PAFAH1B1: variants seen among roughly 807,000 people sequenced by gnomAD.
The protein encoded by PAFAH1B1 is platelet activating factor acetylhydrolase 1b regulatory subunit 1.
In PAFAH1B1, 2 loss-of-function variants were observed where a neutral mutation model predicts 57.5. That is an observed-to-expected ratio of 0.03 (90% CI 0.01 to 0.11). PAFAH1B1 has a LOEUF of 0.11. Among genes scored for constraint, PAFAH1B1 ranks in the 10% least tolerant of loss-of-function variants. The pLI, the probability that PAFAH1B1 is intolerant of heterozygous loss-of-function variation, is 1.00. For missense variants in PAFAH1B1, 257 were observed against 512.0 expected (o/e 0.50, Z 4.81); for synonymous variants, 152 against 169.6 (o/e 0.90, Z 0.81).
rs544323527 is a variant in PAFAH1B1 at position 2,652,381 on chromosome 17, C to G, written c.33-12991C>G. On this transcript the variant is annotated intron_variant, in intron 2 of 10. Transcript: ENST00000397195. ...AGTGAGCCAAGATCGCGCCACTGCA[C>G]TCCAGCCTGGGCGGCAGAGCGAGAC... Among the ~76,000 whole-genome samples, 21 of 152,376 alleles carry G rather than the reference C, an allele frequency of 1.4e-4. No homozygotes were observed. In the South Asian group the frequency reaches 3.1e-3, roughly 23 times the overall value.
chr17:2,666,942 G>A lies in PAFAH1B1; in HGVS notation c.193-50G>A, dbSNP rs778563986. 10 of 1,410,008 alleles carry A rather than the reference G, an allele frequency of 7.1e-6. No individual in the cohort carries two copies. In the South Asian group the frequency reaches 9.3e-5, roughly 13 times the overall value. The allele number at this position is 1,410,008 out of a possible 1,614,324, so 87.3% of individuals were successfully genotyped here. A position where few individuals can be genotyped will look rare whatever the true frequency, so the allele number is the denominator to read the frequency against. ...AAGGCAGTTTTTTAAAATGTCACAT[G>A]CTATTTTTATTGAAATCTATCTGTA... On this transcript the variant is annotated intron_variant, in intron 4 of 10. Transcript: ENST00000397195.
intron 1 of PAFAH1B1, among the ~76,000 whole-genome samples, chr17:2,596,226 A>G (rs1021685638): frequency 2.6e-5 from 4 of 152,056 alleles, no homozygotes; most frequent in Non-Finnish European, 5.9e-5. Flanking sequence ...ATATATCTAC[A>G]CTCTTGTTAA....
intron 2 of PAFAH1B1, among the ~76,000 whole-genome samples, chr17:2,645,243 CAAAA>C (rs2068751848): frequency 6.6e-6 from 1 of 151,816 alleles, no homozygotes; most frequent in Non-Finnish European, 1.5e-5. Context: ...AAGATCCTGT[CAAAA>C]AACAAAAACA....
intron 1 of PAFAH1B1, among the ~76,000 whole-genome samples, chr17:2,631,606 A>G (rs1449683955): frequency 6.6e-6 from 1 of 152,068 alleles, no homozygotes; most frequent in African/African-American, 2.4e-5. Context: ...CTGCAAACGG[A>G]CCTTCAGCTT....
Position 2,683,103 on chromosome 17 carries a change from G to T in PAFAH1B1, c.*1301G>T, listed in dbSNP as rs1350041781. On this transcript the variant is annotated 3_prime_UTR_variant, in exon 11 of 11. Coordinates refer to ENST00000397195, the MANE Select transcript of PAFAH1B1 (RefSeq NM_000430.4). ...TCTGAAAACTAGGTCTGACTCTGGGGATTTTTTTCCAGCCGAAGGAAAATC... is the reference window on the plus strand; with the variant it reads ...TCTGAAAACTAGGTCTGACTCTGGGTATTTTTTTCCAGCCGAAGGAAAATC... The T allele has an allele frequency of 6.6e-6, 1 of 152,150 alleles. No individual in the cohort carries two copies. Among genetic ancestry groups the T allele is most frequent in the Non-Finnish European group, 1.5e-5 (1 of 68,034 alleles). The allele number at this position is 152,150 out of a possible 1,614,324, so 9.4% of individuals were successfully genotyped here.
chr17:2,609,709 A>T (rs1382654972), intron 1 of PAFAH1B1: 1 of 151,634 alleles, frequency 6.6e-6, no homozygotes, highest in Non-Finnish European at 1.5e-5. Context: ...ACGGGGTTTT[A>T]CCATGTTGGC....
At chr17:2,678,246 A>G (rs1283175849) in intron 9 of PAFAH1B1, among the ~76,000 whole-genome samples, 1 of 151,940 alleles carries the variant, frequency 6.6e-6, no homozygotes, top group Admixed American at 6.6e-5. Flanking sequence ...TGCTAAAAAC[A>G]CAAAATTAGC....
At chr17:2,595,059 A>G (rs1391407179) in intron 1 of PAFAH1B1, among the ~76,000 whole-genome samples, 1 of 152,182 alleles carries the variant, frequency 6.6e-6, no homozygotes, top group Non-Finnish European at 1.5e-5. Flanking sequence ...TTTGGGCCCA[A>G]TTTATATCAG....
At chr17:2,599,114 A>T (rs2068113183) in intron 1 of PAFAH1B1, among the ~76,000 whole-genome samples, 1 of 152,204 alleles carries the variant, frequency 6.6e-6, no homozygotes, top group Admixed American at 6.5e-5. Flanking sequence ...TTGTCTTTTA[A>T]CATTGTCATA....
At chr17:2,637,511 A>T (rs552136018) in intron 1 of PAFAH1B1, among the ~76,000 whole-genome samples, 1 of 152,090 alleles carries the variant, frequency 6.6e-6, no homozygotes, top group African/African-American at 2.4e-5. Flanking sequence ...TTAAGCCCAG[A>T]GGGGGAAGGC....
intron 1 of PAFAH1B1, among the ~76,000 whole-genome samples, chr17:2,633,299 C>G (rs1036604816): frequency 1.3e-5 from 2 of 151,686 alleles, no homozygotes; most frequent in African/African-American, 4.8e-5. Flanking sequence ...TCCCGAGTAG[C>G]TGGGATTACA....
intron 2 of PAFAH1B1, among the ~76,000 whole-genome samples, chr17:2,652,253 A>C (rs1030415991): frequency 4.6e-5 from 7 of 151,696 alleles, no homozygotes; most frequent in African/African-American, 1.7e-4. Flanking sequence ...TACTAAAAAT[A>C]CAAAAAAAAA....
intron 1 of PAFAH1B1, among the ~76,000 whole-genome samples, chr17:2,630,276 G>A (rs8077732): frequency 0.28 from 42,465 of 152,014 alleles, 6,089 homozygotes; most frequent in Middle Eastern, 0.35. Flanking sequence ...TTAGAGCTCC[G>A]TTTAGCAGTT....
At chr17:2,675,032 C>T (rs2069241318) in intron 8 of PAFAH1B1, among the ~76,000 whole-genome samples, 1 of 152,154 alleles carries the variant, frequency 6.6e-6, no homozygotes, top group South Asian at 2.1e-4. Flanking sequence ...GAGACAGTCT[C>T]ACTCTGTTGC....
At chr17:2,655,711 G>T (rs1183155238) in intron 2 of PAFAH1B1, among the ~76,000 whole-genome samples, 1 of 151,830 alleles carries the variant, frequency 6.6e-6, no homozygotes, top group Non-Finnish European at 1.5e-5. Flanking sequence ...TGACGACAGG[G>T]TGTTCACACA....
At chr17:2,623,752 A>AGGTAGCTTGGATCCCAGCCAC (rs2068453488) in intron 1 of PAFAH1B1, among the ~76,000 whole-genome samples, 1 of 96,984 alleles carries the variant, frequency 1.0e-5, no homozygotes. Context: ...CTCAGCCTCC[A>AGGTAGCTTGGATCCCAGCCAC]GGTAGCTGGG....
intron 2 of PAFAH1B1, among the ~76,000 whole-genome samples, chr17:2,653,939 G>T (rs2068901228): frequency 6.6e-6 from 1 of 152,040 alleles, no homozygotes; most frequent in South Asian, 2.1e-4. Context: ...CTCCCAAGTA[G>T]CTGGGATTAC....
intron 1 of PAFAH1B1, among the ~76,000 whole-genome samples, chr17:2,607,430 C>T (rs896215835): frequency 2.6e-5 from 4 of 151,584 alleles, no homozygotes; most frequent in Non-Finnish European, 5.9e-5. Context: ...CTGCCTGGGC[C>T]TCCCAAAGCG....
At chr17:2,650,466 T>C (rs1234006881) in intron 2 of PAFAH1B1, among the ~76,000 whole-genome samples, 4 of 150,402 alleles carry the variant, frequency 2.7e-5, no homozygotes, top group African/African-American at 4.9e-5. Flanking sequence ...GAGCCGAGAC[T>C]GCACCACTGC....
Sources: gnomAD v4.1 joint callset for allele counts (sites outside exome capture counted in the v4.1 genomes callset) on GRCh38, gnomAD v4.1.1 for gene constraint, MANE v1.5 for transcripts, NCBI Gene and HGNC (gene_info 2026-07-23, HGNC 2026-07-21) for gene names.